COL1A2: variants seen among roughly 807,000 people sequenced by gnomAD.
COL1A2 encodes collagen type I alpha 2 chain, also known as collagen alpha-2(I) chain.
Under a neutral mutation model 174.3 loss-of-function variants are expected in COL1A2, and 49 were observed. The ratio of observed to expected loss-of-function variants is 0.28; its 90% CI spans 0.22 to 0.36. COL1A2 has a LOEUF of 0.36. Among genes scored for constraint, COL1A2 ranks in the 10% least tolerant of loss-of-function variants. The probability of loss-of-function intolerance (pLI) is 1.00; values close to 1 mark genes in which losing one functional copy is unlikely to be tolerated. For synonymous variants in COL1A2, 655 were observed against 606.6 expected (o/e 1.08, Z -1.17); for missense variants, 1,438 against 1,822.7 (o/e 0.79, Z 3.84).
At chr7:94,397,725 C>T (rs991954803) in intron 1 of COL1A2, 23 bp from the exon 2 acceptor site, 2 of 1,232,224 alleles carry the variant, frequency 1.6e-6, no homozygotes, top group Non-Finnish European at 2.4e-6. Flanking sequence ...TTGTTTCCTA[C>T]TTTTTCTTTT....
Position 94,427,693 on chromosome 7 carries a change from T to C in COL1A2, c.3334T>C (p.Tyr1112His). The C allele has an allele frequency of 6.2e-7, 1 of 1,614,052 alleles. No homozygotes were observed. Among genetic ancestry groups the C allele is most frequent in the South Asian group, 1.1e-5 (1 of 91,064 alleles). ...AAGCGGTGGTGGTTATGACTTTGGT[T>C]ACGATGGAGACTTCTACAGGGCTGA... The part of the protein sequence containing the change: ...GVSGGGYDFG[Y>H]DGDFYRADQP... Residue 1112 changes from tyrosine to histidine, a missense_variant, in exon 49 of 52, where the codon TAC becomes CAC. Physicochemically the swap from Tyr to His is moderately conservative, Grantham distance 83 (BLOSUM62 2). Coordinates refer to ENST00000297268, the MANE Select transcript of COL1A2 (RefSeq NM_000089.4).
In COL1A2 at chr7:94,423,136, C is replaced by T. The variant is rs771033281; in HGVS notation, c.2565+18C>T. The T allele has an allele frequency of 2.5e-6, 4 of 1,613,702 alleles. No individual in the cohort carries two copies. The highest frequency in any genetic ancestry group is 4.5e-5 in the East Asian group (2 of 44,864). On this transcript the variant is annotated intron_variant, in intron 40 of 51. Transcript: ENST00000297268. Reference sequence around the variant, plus strand: ...GTACTGCTGTAAGTGATTTCCAACTCCTCTTTCTTAATACCTTATGCTGAA... The same window carrying T: ...GTACTGCTGTAAGTGATTTCCAACTTCTCTTTCTTAATACCTTATGCTGAA...
intron 33 of COL1A2, 38 bp from the exon 34 acceptor site, chr7:94,419,460 G>A: frequency 1.2e-6 from 2 of 1,604,524 alleles, no homozygotes; most frequent in African/African-American, 1.3e-5. Context: ...GATGATACGG[G>A]GTGTTATTAA....
intron 38 of COL1A2, 163 bp downstream of exon 38, chr7:94,421,225 C>A: frequency 2.7e-6 from 2 of 731,344 alleles, no homozygotes; most frequent in Non-Finnish European, 2.4e-6. Flanking sequence ...TTAACTTGAA[C>A]TCAGCTGGAA....
rs1433899167 is a variant in COL1A2, at chr7:94,417,835, C to T, written c.1971+4C>T. 10 of 1,583,936 alleles carry T rather than the reference C, an allele frequency of 6.3e-6. No homozygotes were observed. The highest frequency in any genetic ancestry group is 5.8e-5 in the South Asian group (5 of 86,760). On this transcript the variant is annotated splice_donor_region_variant and intron_variant, in intron 32 of 51. Coordinates refer to ENST00000297268, the MANE Select transcript of COL1A2 (RefSeq NM_000089.4). ...ACCTGGAGGCAAGGGAGAAAAGGTACGTGTTGACCCCTATTACATATTGTT... is the reference window on the plus strand; with the variant it reads ...ACCTGGAGGCAAGGGAGAAAAGGTATGTGTTGACCCCTATTACATATTGTT...
At position 94,415,356 on chromosome 7, in the gene COL1A2, C is replaced by T. The variant is rs41317159; in HGVS notation, c.1764+86C>T. 3,302 of 1,140,872 alleles carry T rather than the reference C, an allele frequency of 2.9e-3. 49 individuals carry two copies. In the African/African-American group the frequency reaches 0.04, roughly 14 times the overall value. The allele number at this position is 1,140,872 out of a possible 1,614,324, so 70.7% of individuals were successfully genotyped here. A position where few individuals can be genotyped will look rare whatever the true frequency, so the allele number is the denominator to read the frequency against. The stretch of plus-strand genomic sequence containing the variant: ...CTTTCTCCTTAAAGCCACTGATGAC[C>T]CTGCAACAAGTCTCTGATGCTCTTC... On this transcript the variant is annotated intron_variant, in intron 30 of 51. Transcript: ENST00000297268.
chr7:94,406,252 A>T lies in COL1A2; in HGVS notation c.543A>T (p.Gly181=). The change falls in exon 12 of 52, where the codon GGA becomes GGT. Residue 181 remains glycine, a splice_region_variant and synonymous_variant. Transcript: ENST00000297268. The part of the protein sequence containing the change: ...PGLPGFKGIR[G]HNGLDGLKGQ... Reference sequence around the variant, plus strand: ...TTATAATAAGGCTTTCCTTTCAGGGACACAATGGTCTGGATGGATTGAAGG... The same window carrying T: ...TTATAATAAGGCTTTCCTTTCAGGGTCACAATGGTCTGGATGGATTGAAGG... 1 of 1,613,896 alleles carries T rather than the reference A, an allele frequency of 6.2e-7. No homozygotes were observed. The highest frequency in any genetic ancestry group is 1.1e-5 in the South Asian group (1 of 91,076).
chr7:94,426,590 G>C, intron 46 of COL1A2, 60 bp downstream of exon 46: 1 of 1,291,362 alleles, frequency 7.7e-7, no homozygotes, highest in Non-Finnish European at 1.1e-6. Flanking sequence ...AGCTCAGAAG[G>C]ATTTTCATAT....
chr7:94,404,610 G>A lies in COL1A2; in HGVS notation c.324+10G>A. ...TGCAGCTGGAGCCCCAGTAAGTACT[G>A]AAAGCTTGTAATGCCTCTTATGTAA... On this transcript the variant is annotated intron_variant, in intron 7 of 51. Transcript: ENST00000297268. The A allele has an allele frequency of 1.2e-6, 2 of 1,614,028 alleles. No homozygotes were observed. Among genetic ancestry groups the A allele is most frequent in the Non-Finnish European group, 1.7e-6 (2 of 1,179,992 alleles).
intron 40 of COL1A2, chr7:94,424,060 C>T: frequency 2.4e-6 from 1 of 411,258 alleles, no homozygotes. Flanking sequence ...TATAAAAACT[C>T]TATTTCACCA....
chr7:94,401,500 G>T, intron 5 of COL1A2, 67 bp from the exon 6 acceptor site: 1 of 678,106 alleles, frequency 1.5e-6, no homozygotes, highest in South Asian at 4.7e-5. Context: ...ATGAGAAAAT[G>T]AACTACATGA....
intron 4 of COL1A2, among the ~76,000 whole-genome samples, chr7:94,399,485 C>G (rs74759099): frequency 0.023 from 3,458 of 152,254 alleles, 137 homozygotes; most frequent in African/African-American, 0.079. Context: ...ACATGTTTCT[C>G]TGCTCAAATT....
At chr7:94,421,450 T>C in intron 38 of COL1A2, 1 of 386,290 alleles carries the variant, frequency 2.6e-6, no homozygotes, top group Non-Finnish European at 4.8e-6. Flanking sequence ...ACTTCTTCTC[T>C]CACTGGACAG....
chr7:94,407,787 A>T, intron 12 of COL1A2, 60 bp from the exon 13 acceptor site: 4 of 1,463,910 alleles, frequency 2.7e-6, no homozygotes, highest in Non-Finnish European at 3.8e-6. Flanking sequence ...GTAAAATTGC[A>T]CTATCAGGAA....
At chr7:94,397,445 G>A (rs1791605837) in intron 1 of COL1A2, among the ~76,000 whole-genome samples, 1 of 152,012 alleles carries the variant, frequency 6.6e-6, no homozygotes, top group East Asian at 1.9e-4. Flanking sequence ...TAATTGCTAA[G>A]CATTCAAAAT....
At chr7:94,417,339 T>G in intron 31 of COL1A2, 2 of 297,174 alleles carry the variant, frequency 6.7e-6, no homozygotes, top group Non-Finnish European at 1.3e-5. Context: ...AAACATCTCC[T>G]CAATTGACAA....
chr7:94,422,857 C>A, intron 39 of COL1A2, 100 bp from the exon 40 acceptor site: 2 of 1,371,124 alleles, frequency 1.5e-6, no homozygotes, highest in Non-Finnish European at 2.1e-6. Context: ...TATTTTATTG[C>A]ATCACATTGT....
chr7:94,402,379 A>C (rs1455446941), intron 6 of COL1A2, among the ~76,000 whole-genome samples: 3 of 152,136 alleles, frequency 2.0e-5, no homozygotes, highest in Non-Finnish European at 4.4e-5. Context: ...GACCAAAAAA[A>C]TCCTTTTTTA....
chr7:94,400,791 TA>T (rs1211622533), intron 5 of COL1A2, among the ~76,000 whole-genome samples: 1 of 152,206 alleles, frequency 6.6e-6, no homozygotes, highest in Admixed American at 6.5e-5. Flanking sequence ...TTCATGTCTT[TA>T]ACAATGGTAT....
Sources: gnomAD v4.1 joint callset for allele counts (sites outside exome capture counted in the v4.1 genomes callset) on GRCh38, gnomAD v4.1.1 for gene constraint, MANE v1.5 for transcripts, NCBI Gene and HGNC (gene_info 2026-07-23, HGNC 2026-07-21) for gene names.